The following SAXO1 variants were observed in gnomAD, a reference collection of about 807,000 sequenced individuals.
SAXO1 encodes stabilizer of axonemal microtubules 1, also known as 4930500O09Rik.
SAXO1 carries 21 observed loss-of-function variants against 17.5 expected under a neutral mutation model. The ratio of observed to expected loss-of-function variants is 1.20; its 90% CI spans 0.85 to 1.72. SAXO1 has a LOEUF of 1.72. SAXO1 is among the 40% of genes most tolerant of loss of function. The pLI is 0.00. For synonymous variants in SAXO1, 274 were observed against 216.5 expected (o/e 1.27, Z -2.33); for missense variants, 843 against 596.0 (o/e 1.41, Z -4.32).
upstream of SAXO1, among the ~76,000 whole-genome samples, chr9:19,037,280 G>C (rs1588573392): frequency 6.6e-6 from 1 of 152,322 alleles, no homozygotes; most frequent in Non-Finnish European, 1.5e-5. Flanking sequence ...AATGACTTAA[G>C]ACTTTGGAGG....
chr9:18,934,275 C>T (rs1444371247), intron 3 of SAXO1, among the ~76,000 whole-genome samples: 3 of 150,970 alleles, frequency 2.0e-5, no homozygotes, highest in South Asian at 2.1e-4. Flanking sequence ...CATTTTTCTG[C>T]CCCCTTCTTC....
intron 1 of SAXO1, among the ~76,000 whole-genome samples, chr9:18,980,947 G>C (rs944678260): frequency 5.3e-5 from 8 of 151,998 alleles, no homozygotes; most frequent in Non-Finnish European, 1.0e-4. Context: ...CCTTTAAAAT[G>C]TGCTTATCCT....
intron 1 of SAXO1, among the ~76,000 whole-genome samples, chr9:18,954,945 G>T (rs1832196077): frequency 6.6e-6 from 1 of 151,180 alleles, no homozygotes; most frequent in African/African-American, 2.4e-5. Flanking sequence ...GAATATAATA[G>T]GTTCCTCTAG....
chr9:19,019,761 C>T (rs940573034), intron 1 of SAXO1, among the ~76,000 whole-genome samples: 6 of 152,028 alleles, frequency 3.9e-5, no homozygotes, highest in Non-Finnish European at 7.4e-5. Flanking sequence ...AAGTAGTCTA[C>T]TTCAATTTCT....
At chr9:19,029,081 C>T (rs1835643685) in intron 1 of SAXO1, among the ~76,000 whole-genome samples, 1 of 152,192 alleles carries the variant, frequency 6.6e-6, no homozygotes, top group Admixed American at 6.6e-5. Context: ...AAGAGAGTCA[C>T]CCATTGGTGG....
At chr9:18,980,298 G>A (rs191383297) in intron 1 of SAXO1, among the ~76,000 whole-genome samples, 117 of 152,190 alleles carry the variant, frequency 7.7e-4, no homozygotes, top group Admixed American at 1.6e-3. Context: ...CTGCTTGGGA[G>A]TGTGTGTTTA....
chr9:19,002,082 G>C (rs554717945), intron 1 of SAXO1, among the ~76,000 whole-genome samples: 1 of 152,266 alleles, frequency 6.6e-6, no homozygotes, highest in Non-Finnish European at 1.5e-5. Context: ...TGATCCCACA[G>C]AAATACAAAC....
At chr9:18,985,405 T>TA (rs1256681902) in intron 1 of SAXO1, among the ~76,000 whole-genome samples, 1 of 152,102 alleles carries the variant, frequency 6.6e-6, no homozygotes, top group Non-Finnish European at 1.5e-5. Flanking sequence ...AAACCTACAT[T>TA]AAAAAAACAC....
At chr9:19,025,343 G>T (rs1255141691) in intron 1 of SAXO1, among the ~76,000 whole-genome samples, 2 of 152,048 alleles carry the variant, frequency 1.3e-5, no homozygotes, top group Non-Finnish European at 2.9e-5. Context: ...CTTAAAACAT[G>T]TAATATGAAA....
intron 1 of SAXO1, among the ~76,000 whole-genome samples, chr9:18,973,509 C>T (rs1190248318): frequency 5.9e-5 from 9 of 152,224 alleles, no homozygotes; most frequent in African/African-American, 2.2e-4. Context: ...GAATCTCAAA[C>T]AAAATGCAGC....
intron 1 of SAXO1, among the ~76,000 whole-genome samples, chr9:18,956,172 A>C (rs527694291): frequency 1.2e-4 from 18 of 150,608 alleles, no homozygotes; most frequent in Admixed American, 2.0e-4. Context: ...GCTGGTCTCA[A>C]ACTCCTGGGC....
At chr9:18,977,663 T>A (rs948000263) in intron 1 of SAXO1, among the ~76,000 whole-genome samples, 10 of 152,172 alleles carry the variant, frequency 6.6e-5, no homozygotes, top group African/African-American at 2.4e-4. Flanking sequence ...TGGAATTGTA[T>A]GAAAATGGCA....
chr9:18,964,160 C>G (rs7869303), intron 1 of SAXO1, among the ~76,000 whole-genome samples: 27,206 of 152,044 alleles, frequency 0.18, 5,290 homozygotes, highest in African/African-American at 0.49. Context: ...ATGTGCTGCT[C>G]GATTCGGTTT....
chr9:19,005,822 G>A (rs780306145), intron 1 of SAXO1, among the ~76,000 whole-genome samples: 1 of 152,162 alleles, frequency 6.6e-6, no homozygotes, highest in East Asian at 1.9e-4. Flanking sequence ...TCAAGACAGT[G>A]AAAAGGTAAG....
At chr9:18,936,364 C>T (rs946567040) in intron 3 of SAXO1, among the ~76,000 whole-genome samples, 1 of 152,128 alleles carries the variant, frequency 6.6e-6, no homozygotes, top group African/African-American at 2.4e-5. Flanking sequence ...CCTGCCCACC[C>T]CGGCCCCCAG....
chr9:18,942,550 C>T (rs1460756723), intron 2 of SAXO1, among the ~76,000 whole-genome samples: 1 of 152,210 alleles, frequency 6.6e-6, no homozygotes, highest in Non-Finnish European at 1.5e-5. Flanking sequence ...CTACAGAAAA[C>T]CCAGAAGAGG....
Position 18,994,720 on chromosome 9 carries a change from G to A in SAXO1, c.38+38151C>T, listed in dbSNP as rs533738295. On this transcript the variant is annotated intron_variant, in intron 1 of 3. Coordinates refer to ENST00000380534, the MANE Select transcript of SAXO1 (RefSeq NM_153707.4). ...CTTAGTTGTCACCTACAAAAGGAAG[G>A]GCTGCCCCCAAAGTCCCTAAGATCC... 2.7e-4 allele frequency among the ~76,000 whole-genome samples: 41 copies of A among 152,280 alleles called. No homozygotes were observed. The South Asian group carries it at 8.5e-3, about 32-fold the overall frequency.
At position 18,928,707 on chromosome 9, in the gene SAXO1, G is replaced by C. The variant is rs754882464; in HGVS notation, c.770C>G (p.Pro257Arg). 1.7e-5 allele frequency: 28 copies of C among 1,614,026 alleles called. No homozygotes were observed. In the South Asian group the frequency reaches 2.5e-4, roughly 15 times the overall value. ...GTCTAGCCCAGGAGGCCTGGCTAGAGGTTTCAAGCTCTTGGCAGGCTCCCC... is the reference window on the plus strand; with the variant it reads ...GTCTAGCCCAGGAGGCCTGGCTAGACGTTTCAAGCTCTTGGCAGGCTCCCC... ...LMGEPAKSLK[P>R]LARPPGLDMP... is the part of the protein sequence containing the mutation. Residue 257 changes from proline to arginine, a missense_variant, in exon 4 of 4, where the codon CCT becomes CGT. Physicochemically the swap from Pro to Arg is moderately radical, Grantham distance 103 (BLOSUM62 -2). Coordinates refer to ENST00000380534, the MANE Select transcript of SAXO1 (RefSeq NM_153707.4).
At chr9:19,035,306 G>A (rs977231965), upstream of SAXO1, among the ~76,000 whole-genome samples, 1 of 152,306 alleles carries the variant, frequency 6.6e-6, no homozygotes, top group East Asian at 1.9e-4. Flanking sequence ...TAAGTCTCAT[G>A]AGATCTGACG....
Sources: allele counts gnomAD v4.1 joint callset (sites outside exome capture counted in the v4.1 genomes callset), GRCh38; gene constraint gnomAD v4.1.1; transcripts MANE v1.5; gene names NCBI Gene and HGNC (gene_info 2026-07-23, HGNC 2026-07-21).